The following RIPK4 variants were observed in gnomAD, a reference collection of about 807,000 sequenced individuals.
RIPK4 encodes receptor interacting serine/threonine kinase 4.
RIPK4 carries 17 observed loss-of-function variants against 42.9 expected under a neutral mutation model. The observed-to-expected ratio is 0.40, with a 90% CI of 0.27 to 0.59. The LOEUF (loss-of-function observed/expected upper bound fraction) is 0.59, where lower values mean the gene tolerates loss of function less well. Ranked by LOEUF, RIPK4 falls within the 20% of genes least tolerant of loss-of-function variation. RIPK4 has a pLI of 0.47. For missense variants in RIPK4, 897 were observed against 1,104.4 expected, an observed-to-expected ratio of 0.81 and a Z score of 2.66; for synonymous variants, 498 against 499.1, an observed-to-expected ratio of 1.00 and a Z score of 0.03.
In RIPK4 at chr21:41,743,894, G is replaced by A; in HGVS notation, c.1183C>T (p.Pro395Ser). Residue 395 changes from proline to serine, a missense_variant, in exon 7 of 8, where the codon CCT (proline) becomes TCT (serine). Physicochemically the swap from Pro to Ser is moderately conservative, Grantham distance 74 (BLOSUM62 -1). Coordinates refer to ENST00000332512, the MANE Select transcript of RIPK4 (RefSeq NM_020639.3). Reference sequence around the variant, plus strand: ...CGTCCCCACTCACCGCTGGTTGAAGGTTCCCGCTCAAAGGACAGCGACAGT... The same window carrying A: ...CGTCCCCACTCACCGCTGGTTGAAGATTCCCGCTCAAAGGACAGCGACAGT... ...GSLSLSFERE[P>S]STSDLGTTDV... 1.2e-6 allele frequency: 2 copies of A among 1,603,168 alleles called. No homozygotes were observed. Among genetic ancestry groups the A allele is most frequent in the Non-Finnish European group, 1.7e-6 (2 of 1,173,826 alleles).
In RIPK4 at chr21:41,741,234, G is replaced by A. The variant is rs1437097731; in HGVS notation, c.1959C>T (p.Ala653=). The A allele has an allele frequency of 1.9e-6, 3 of 1,609,200 alleles. No homozygotes were observed. Among genetic ancestry groups the A allele is most frequent in the East Asian group, 2.2e-5 (1 of 44,848 alleles). The stretch of plus-strand genomic sequence containing the variant: ...CAGCGCCCCGATGCAGGAGCAGCCT[G>A]GCAGTGCTCGTGTGCCCCGTCTCCG... ...VAAETGHTST[A]RLLLHRGAGK... is the part of the protein sequence containing the mutation. Residue 653 remains alanine (A), a synonymous_variant, in exon 8 of 8, where the codon GCC becomes GCT. Transcript: ENST00000332512.
At chr21:41,756,376 A>T (rs990698024) in intron 2 of RIPK4, 149 bp downstream of exon 2, 1 of 978,124 alleles carries the variant, frequency 1.0e-6, no homozygotes, top group African/African-American at 1.6e-5. Context: ...CATGCTGCAA[A>T]AGGCCTCGGT....
At chr21:41,766,487 G>T (rs1424237105) in intron 1 of RIPK4, among the ~76,000 whole-genome samples, 2 of 152,162 alleles carry the variant, frequency 1.3e-5, no homozygotes, top group Non-Finnish European at 2.9e-5. Flanking sequence ...GCGGGTCCGA[G>T]GCGCAAGGCG....
chr21:41,741,308 C>T lies in RIPK4; in HGVS notation c.1885G>A (p.Asp629Asn), dbSNP rs199669994. The change falls in exon 8 of 8, where the codon GAC (aspartate) becomes AAC (asparagine). Residue 629 changes from aspartate to asparagine, a missense_variant. By Grantham distance (23) the Asp-to-Asn change is conservative (BLOSUM62 1). Coordinates refer to ENST00000332512, the MANE Select transcript of RIPK4 (RefSeq NM_020639.3). ...GCCAGCAGGCTGCAGACGTTGACGTCGGAGCACAGGTCGATGAGGATGCGG... is the reference window on the plus strand; with the variant it reads ...GCCAGCAGGCTGCAGACGTTGACGTTGGAGCACAGGTCGATGAGGATGCGG... The part of the protein sequence containing the change: ...VARILIDLCS[D>N]VNVCSLLAQT... 59 of 1,608,362 alleles carry T rather than the reference C, an allele frequency of 3.7e-5. No homozygotes were observed. The Middle Eastern group carries it at 5.0e-4, about 13-fold the overall frequency.
chr21:41,745,794 G>T lies in RIPK4; in HGVS notation c.901C>A (p.Leu301Met), dbSNP rs2061168821. ...GGCTCCGGGGGGCTTTTCACGTCCA[G>T]ATCATGAGCAGTTTCTTTCACTTCG... ...DDEVKETAHD[L>M]DVKSPPEPRS... The change falls in exon 6 of 8, where the codon CTG (leucine) becomes ATG (methionine). Residue 301 changes from leucine to methionine, a missense_variant. By Grantham distance (15) the Leu-to-Met change is conservative. Coordinates refer to ENST00000332512, the MANE Select transcript of RIPK4 (RefSeq NM_020639.3). 1 of 1,614,048 alleles carries T rather than the reference G, an allele frequency of 6.2e-7. No individual in the cohort carries two copies. The highest frequency in any genetic ancestry group is 1.3e-5 in the African/African-American group (1 of 74,954).
chr21:41,751,390 G>A lies in RIPK4; in HGVS notation c.475-145C>T. 9.0e-7 allele frequency: 1 copy of A among 1,111,446 alleles called. No individual in the cohort carries two copies. The highest frequency in any genetic ancestry group is 2.6e-5 in the East Asian group (1 of 38,250). The allele number at this position is 1,111,446 out of a possible 1,614,324, so 68.8% of individuals were successfully genotyped here. On this transcript the variant is annotated intron_variant, in intron 2 of 7. Coordinates refer to ENST00000332512, the MANE Select transcript of RIPK4 (RefSeq NM_020639.3). The surrounding 1 kb of genome is among the most constrained non-coding windows in gnomAD (Gnocchi z 4.5). ...AAGAGCCGTGTCTGTGCCTCTCCAG[G>A]TAGCCCTGCCCCAGGCAGGGAGGGA...
At chr21:41,750,317 C>T (rs915132055) in intron 3 of RIPK4, among the ~76,000 whole-genome samples, 2 of 152,220 alleles carry the variant, frequency 1.3e-5, no homozygotes, top group Non-Finnish European at 2.9e-5. Context: ...TCCAAGAAGT[C>T]TGTGTGATTA....
chr21:41,740,580 A>G lies in RIPK4; in HGVS notation c.*258T>C. On this transcript the variant is annotated 3_prime_UTR_variant, in exon 8 of 8. Coordinates refer to ENST00000332512, the MANE Select transcript of RIPK4 (RefSeq NM_020639.3). ...AGCGACCCATTAGGAGCACAACGAA[A>G]TGATTCTGACCCACGGTCCCTTCAG... The G allele has an allele frequency of 2.0e-6, 1 of 501,110 alleles. No homozygotes were observed. The highest frequency in any genetic ancestry group is 3.3e-5 in the East Asian group (1 of 30,302). The allele number at this position is 501,110 out of a possible 1,614,324, so 31.0% of individuals were successfully genotyped here. A position where few individuals can be genotyped will look rare whatever the true frequency, so the allele number is the denominator to read the frequency against.
intron 6 of RIPK4, 72 bp from the exon 7 acceptor site, chr21:41,744,212 A>T: frequency 2.1e-6 from 3 of 1,444,692 alleles, no homozygotes; most frequent in Non-Finnish European, 2.7e-6. Flanking sequence ...TGACACAAAC[A>T]CAGAAGAGCA....
At position 41,741,777 on chromosome 21, in the gene RIPK4, G is replaced by A. The variant is rs748123642; in HGVS notation, c.1416C>T (p.Ser472=). The A allele has an allele frequency of 1.2e-6, 2 of 1,611,572 alleles. No individual in the cohort carries two copies. Among genetic ancestry groups the A allele is most frequent in the East Asian group, 2.2e-5 (1 of 44,890 alleles). The change falls in exon 8 of 8, where the codon TCC becomes TCT. Residue 472 remains serine, a synonymous_variant. Transcript: ENST00000332512. The stretch of plus-strand genomic sequence containing the variant: ...TCTCCACGGCCATGTGCAACGGGGT[G>A]GAGCCCCTACGGTTGCTCAGGTTGG... ...ANPNLSNRRG[S]TPLHMAVERR...
At chr21:41,749,889 TAAAAAAAAAA>T (rs776305508) in intron 3 of RIPK4, among the ~76,000 whole-genome samples, 25 of 99,390 alleles carry the variant, frequency 2.5e-4, no homozygotes, top group South Asian at 1.3e-3. Context: ...CCAAATTGAT[TAAAAAAAAAA>T]AAAAAAAAAA....
At chr21:41,761,592 C>T (rs565144348) in intron 1 of RIPK4, among the ~76,000 whole-genome samples, 4 of 152,254 alleles carry the variant, frequency 2.6e-5, no homozygotes, top group East Asian at 1.9e-4. Context: ...CCCTCCTCGC[C>T]GGAGGGTTTT....
chr21:41,754,208 G>A (rs1294510683), intron 2 of RIPK4, among the ~76,000 whole-genome samples: 4 of 152,180 alleles, frequency 2.6e-5, no homozygotes, highest in African/African-American at 9.7e-5. Context: ...TCCATGCAAA[G>A]CTTCCACACT....
At position 41,742,009 on chromosome 21, in the gene RIPK4, G is replaced by GCTCTC; in HGVS notation, c.1196-13_1196-12insGAGAG. 1 of 1,569,582 alleles carries GCTCTC rather than the reference G, an allele frequency of 6.4e-7. No homozygotes were observed. The highest frequency in any genetic ancestry group is 8.7e-7 in the Non-Finnish European group (1 of 1,155,752). On this transcript the variant is annotated splice_polypyrimidine_tract_variant and intron_variant, in intron 7 of 7. Coordinates refer to ENST00000332512, the MANE Select transcript of RIPK4 (RefSeq NM_020639.3). The surrounding 1 kb of genome is among the most constrained non-coding windows in gnomAD (Gnocchi z 5.1). ...TGTGGTGCCCAGATCTGCAGGGAGA[G>GCTCTC]GAGAGGCAAAGGTCAGAGCGTGGCT...
chr21:41,744,345 T>C, intron 6 of RIPK4, among the ~76,000 whole-genome samples: 2 of 151,698 alleles, frequency 1.3e-5, no homozygotes, highest in East Asian at 3.9e-4. Flanking sequence ...AGACGCCATG[T>C]CCACACAGCG....
chr21:41,764,355 C>CACCTGT (rs925272501), intron 1 of RIPK4, among the ~76,000 whole-genome samples: 6 of 152,312 alleles, frequency 3.9e-5, no homozygotes, highest in Admixed American at 3.9e-4. Flanking sequence ...GCCTCACCTG[C>CACCTGT]ACCTGTACCT....
rs774891267 is a variant in RIPK4 at position 41,742,029 on chromosome 21, G to A, written c.1196-32C>T. ...GGAGAGGAGAGGCAAAGGTCAGAGCGTGGCTGCACATCCAGGGACGTGGCG... is the reference window on the plus strand; with the variant it reads ...GGAGAGGAGAGGCAAAGGTCAGAGCATGGCTGCACATCCAGGGACGTGGCG... On this transcript the variant is annotated intron_variant, in intron 7 of 7. Coordinates refer to ENST00000332512, the MANE Select transcript of RIPK4 (RefSeq NM_020639.3). The surrounding 1 kb of genome is among the most constrained non-coding windows in gnomAD (Gnocchi z 5.1). 2.3e-5 allele frequency: 36 copies of A among 1,538,558 alleles called. No individual in the cohort carries two copies. Among genetic ancestry groups the A allele is most frequent in the Middle Eastern group, 1.8e-4 (1 of 5,704 alleles).
chr21:41,762,619 AGAAGTGCTCAGGTACTC>A (rs1342337267), intron 1 of RIPK4, among the ~76,000 whole-genome samples: 1 of 152,242 alleles, frequency 6.6e-6, no homozygotes, highest in Admixed American at 6.5e-5. Flanking sequence ...AGGGAGGTTA[AGAAGTGCTCAGGTACTC>A]GAAGCACAGA....
chr21:41,746,559 C>G, intron 5 of RIPK4, 54 bp downstream of exon 5: 1 of 1,594,216 alleles, frequency 6.3e-7, no homozygotes, highest in Non-Finnish European at 8.5e-7. Context: ...TGTCTGTCAC[C>G]TCTGTCTCCT....
Sources: allele counts gnomAD v4.1 joint callset (sites outside exome capture counted in the v4.1 genomes callset), GRCh38; gene constraint gnomAD v4.1.1; non-coding constraint Gnocchi (gnomAD v3.1); transcripts MANE v1.5; gene names NCBI Gene and HGNC (gene_info 2026-07-23, HGNC 2026-07-21).